Variants in AFF3 observed in about 807,000 individuals in gnomAD.
AFF3 encodes the protein ALF transcription elongation factor 3, also known as AF4/FMR2 family member 3.
A neutral mutation model predicts 129.7 loss-of-function variants in AFF3; 32 were observed. The ratio of observed to expected loss-of-function variants is 0.25; its 90% CI spans 0.19 to 0.33. The LOEUF (loss-of-function observed/expected upper bound fraction) is 0.33, where lower values mean the gene tolerates loss of function less well. Ranked by LOEUF, AFF3 falls within the 10% of genes least tolerant of loss-of-function variation. The probability of loss-of-function intolerance (pLI) is 1.00; values close to 1 mark genes in which losing one functional copy is unlikely to be tolerated. For synonymous variants in AFF3, 644 were observed against 635.4 expected (o/e 1.01, Z -0.20); for missense variants, 1,373 against 1,592.0 (o/e 0.86, Z 2.34).
chr2:99,805,291 A>G (rs1325312612), intron 8 of AFF3, among the ~76,000 whole-genome samples: 3 of 152,190 alleles, frequency 2.0e-5, no homozygotes, highest in Non-Finnish European at 1.5e-5. Context: ...AATAAGAAAC[A>G]TTCACCTCTC....
intron 13 of AFF3, among the ~76,000 whole-genome samples, chr2:99,608,127 C>T (rs1372897380): frequency 6.6e-6 from 1 of 152,216 alleles, no homozygotes; most frequent in East Asian, 1.9e-4. Context: ...GGGTCTATCC[C>T]TAAACCTTGG....
chr2:99,974,495 T>C (rs1324000697), intron 7 of AFF3, among the ~76,000 whole-genome samples: 1 of 152,220 alleles, frequency 6.6e-6, no homozygotes, highest in Non-Finnish European at 1.5e-5. Context: ...ATTGCAGTGA[T>C]GAAAGGCACA....
chr2:99,895,070 C>T (rs955894494), intron 7 of AFF3, among the ~76,000 whole-genome samples: 1 of 152,204 alleles, frequency 6.6e-6, no homozygotes, highest in South Asian at 2.1e-4. Context: ...AGAAACCACA[C>T]CATGATTACA....
In AFF3 at chr2:99,797,429, G is replaced by T. The variant is rs144524590; in HGVS notation, c.921+40048C>A. Among the ~76,000 whole-genome samples the T allele has an allele frequency of 7.1e-3, 1,082 of 152,180 alleles. 5 individuals are homozygous for T. The highest frequency in any genetic ancestry group is 0.011 in the Non-Finnish European group (765 of 67,984). ...AGAGAAAAAAGAGCATAAGTAAACT[G>T]CAGAATGACTTCATGTGTGATCTAA... On this transcript the variant is annotated intron_variant, in intron 8 of 24. Transcript: ENST00000672756.
At chr2:99,738,177 G>A (rs577120253) in intron 10 of AFF3, among the ~76,000 whole-genome samples, 1 of 151,940 alleles carries the variant, frequency 6.6e-6, no homozygotes, top group Non-Finnish European at 1.5e-5. Flanking sequence ...TTTTTGTAAG[G>A]GGTTCTTTTC....
chr2:99,645,161 C>A (rs75360427), intron 13 of AFF3, among the ~76,000 whole-genome samples: 4 of 151,928 alleles, frequency 2.6e-5, no homozygotes, highest in African/African-American at 9.7e-5. Flanking sequence ...ATGGTGAAGC[C>A]CCCCCTCTAC....
At chr2:99,705,869 C>T (rs898025020) in intron 11 of AFF3, among the ~76,000 whole-genome samples, 51 of 94,584 alleles carry the variant, frequency 5.4e-4, no homozygotes, top group East Asian at 6.3e-4. Flanking sequence ...AGCAAAACTG[C>T]GCCTCAAAAA....
intron 4 of AFF3, among the ~76,000 whole-genome samples, chr2:100,056,083 A>T (rs1265374196): frequency 3.2e-4 from 49 of 151,482 alleles, no homozygotes; most frequent in African/African-American, 1.2e-3. Flanking sequence ...ACACACACAC[A>T]CACACACACA....
At chr2:100,027,454 G>C (rs751325726) in intron 4 of AFF3, among the ~76,000 whole-genome samples, 9 of 152,154 alleles carry the variant, frequency 5.9e-5, no homozygotes, top group Non-Finnish European at 8.8e-5. Flanking sequence ...TGGGTACCAA[G>C]GCTTCTAGAA....
intron 8 of AFF3, among the ~76,000 whole-genome samples, chr2:99,806,417 A>G (rs1686351729): frequency 6.6e-6 from 1 of 152,180 alleles, no homozygotes; most frequent in Admixed American, 6.5e-5. Flanking sequence ...AACACTGCAA[A>G]TGCTCAGCTC....
chr2:100,140,878 C>G (rs868779707), intron 1 of AFF3, among the ~76,000 whole-genome samples: 1 of 152,026 alleles, frequency 6.6e-6, no homozygotes, highest in Non-Finnish European at 1.5e-5. Context: ...TTAAGTGTCA[C>G]CCCCCAAACC....
intron 15 of AFF3, among the ~76,000 whole-genome samples, chr2:99,590,947 G>T (rs1678607695): frequency 6.6e-6 from 1 of 151,138 alleles, no homozygotes; most frequent in African/African-American, 2.4e-5. Context: ...GAGCCAAGAT[G>T]GTGGAGCATC....
chr2:99,914,532 T>C (rs927223675), intron 7 of AFF3, among the ~76,000 whole-genome samples: 3 of 152,194 alleles, frequency 2.0e-5, no homozygotes, highest in Admixed American at 2.0e-4. Context: ...ATTGTATTCA[T>C]GTTAACTTCT....
intron 7 of AFF3, among the ~76,000 whole-genome samples, chr2:99,843,137 T>C (rs1689446279): frequency 6.6e-6 from 1 of 152,248 alleles, no homozygotes; most frequent in African/African-American, 2.4e-5. Flanking sequence ...ATGCTGTCAA[T>C]ACCACAAAAG....
In AFF3 at chr2:99,554,469, C is replaced by T; in HGVS notation, c.3401G>A (p.Gly1134Asp). The T allele has an allele frequency of 1.2e-6, 2 of 1,613,978 alleles. No homozygotes were observed. The highest frequency in any genetic ancestry group is 1.7e-6 in the Non-Finnish European group (2 of 1,180,024). ...CAGGGCGCTGGCGTTGGAGAGGCTG[C>T]CCTGAGACCCCACGGAGCTGGCGGG... ...PSPASSVGSQ[G>D]SLSNASALSP... Residue 1134 changes from glycine to aspartate, a missense_variant, in exon 24 of 25, where the codon GGC becomes GAC. By Grantham distance (94) the Gly-to-Asp change is moderately conservative (BLOSUM62 -1). Coordinates refer to ENST00000672756, the MANE Select transcript of AFF3 (RefSeq NM_001386135.1).
intron 11 of AFF3, among the ~76,000 whole-genome samples, chr2:99,679,708 G>A (rs1296456463): frequency 6.6e-6 from 1 of 152,234 alleles, no homozygotes; most frequent in Non-Finnish European, 1.5e-5. Context: ...GCAGCTTGGA[G>A]GCTAGCCAGC....
intron 8 of AFF3, among the ~76,000 whole-genome samples, chr2:99,781,388 A>T (rs1490428634): frequency 1.3e-5 from 2 of 152,150 alleles, no homozygotes; most frequent in African/African-American, 4.8e-5. Flanking sequence ...TCTGTTTATT[A>T]TCTCCCCTTG....
intron 4 of AFF3, among the ~76,000 whole-genome samples, chr2:100,086,223 A>G (rs895405095): frequency 1.3e-5 from 2 of 152,224 alleles, no homozygotes; most frequent in Non-Finnish European, 2.9e-5. Flanking sequence ...CCATAGTGTC[A>G]TAAGAATTCC....
rs1676925430 is a variant in AFF3, at chr2:99,575,678, A to G, written c.2918+2649T>C. 3.9e-5 allele frequency among the ~76,000 whole-genome samples: 6 copies of G among 152,204 alleles called. No homozygotes were observed. The South Asian group carries it at 1.2e-3, about 31-fold the overall frequency. ...ATGGATTTCAAATCAGTTGGGACATATGGCAATTGGAATGCGACATCTATC... is the reference window on the plus strand; with the variant it reads ...ATGGATTTCAAATCAGTTGGGACATGTGGCAATTGGAATGCGACATCTATC... On this transcript the variant is annotated intron_variant, in intron 18 of 24. Transcript: ENST00000672756.
Sources: gnomAD v4.1 joint callset for allele counts (sites outside exome capture counted in the v4.1 genomes callset) on GRCh38, gnomAD v4.1.1 for gene constraint, MANE v1.5 for transcripts, NCBI Gene and HGNC (gene_info 2026-07-23, HGNC 2026-07-21) for gene names.